Variants in NARS2 observed in about 807,000 individuals in gnomAD.
NARS2 encodes the protein asparaginyl-tRNA synthetase.
Under a neutral mutation model 62.9 loss-of-function variants are expected in NARS2, and 60 were observed. The observed-to-expected ratio is 0.95, with a 90% confidence interval of 0.77 to 1.18. NARS2 has a LOEUF of 1.18. Among genes scored for constraint, NARS2 ranks in the 50% most tolerant of loss-of-function variants. The probability of loss-of-function intolerance (pLI) is 0.00; values close to 1 mark genes in which losing one functional copy is unlikely to be tolerated. For synonymous variants in NARS2, 196 were observed against 200.0 expected (o/e 0.98, Z 0.17); for missense variants, 619 against 576.4 (o/e 1.07, Z -0.76).
chr11:78,569,479 A>G (rs1437902691), intron 2 of NARS2, among the ~76,000 whole-genome samples: 1 of 152,234 alleles, frequency 6.6e-6, no homozygotes, highest in Non-Finnish European at 1.5e-5. Flanking sequence ...CTAACATTTC[A>G]TAATTACAGT....
chr11:78,538,792 G>A (rs558628484), intron 5 of NARS2, among the ~76,000 whole-genome samples: 261 of 151,458 alleles, frequency 1.7e-3, no homozygotes, highest in Admixed American at 4.2e-3. Flanking sequence ...TCAGGAGATC[G>A]AGACCATCCT....
At chr11:78,507,808 T>C (rs1483143616) in intron 6 of NARS2, among the ~76,000 whole-genome samples, 2 of 152,118 alleles carry the variant, frequency 1.3e-5, no homozygotes, top group Non-Finnish European at 2.9e-5. Context: ...CGTTAGCCAC[T>C]GGCACCCAGC....
chr11:78,492,106 T>G (rs12225912), intron 7 of NARS2, among the ~76,000 whole-genome samples: 2,031 of 136,988 alleles, frequency 0.015, 24 homozygotes, highest in Middle Eastern at 0.031. Flanking sequence ...TATATATATA[T>G]ATACAGACAC....
At chr11:78,531,810 T>C (rs183855716) in intron 5 of NARS2, among the ~76,000 whole-genome samples, 1 of 152,274 alleles carries the variant, frequency 6.6e-6, no homozygotes, top group Admixed American at 6.5e-5. Context: ...ATTACATTTA[T>C]ATGAAACATA....
chr11:78,499,407 A>G (rs1459198376), intron 6 of NARS2, among the ~76,000 whole-genome samples: 3 of 152,314 alleles, frequency 2.0e-5, no homozygotes, highest in Middle Eastern at 3.4e-3. Context: ...GAGGAATTAC[A>G]CATGCCCACT....
At chr11:78,477,627 T>TA (rs1172243757) in intron 9 of NARS2, among the ~76,000 whole-genome samples, 1 of 152,214 alleles carries the variant, frequency 6.6e-6, no homozygotes, top group Non-Finnish European at 1.5e-5. Flanking sequence ...TGAATGCTTC[T>TA]AAGAAGGTGT....
chr11:78,481,342 C>T (rs1859346954), intron 7 of NARS2, among the ~76,000 whole-genome samples: 1 of 152,098 alleles, frequency 6.6e-6, no homozygotes, highest in Non-Finnish European at 1.5e-5. Flanking sequence ...ACCTTCAATT[C>T]AGCAGTGAGA....
chr11:78,443,622 C>T (rs373283076), intron 12 of NARS2, 39 bp downstream of exon 12: 1 of 1,493,232 alleles, frequency 6.7e-7, no homozygotes, highest in African/African-American at 1.4e-5. Context: ...GCCTTATGCT[C>T]AATTTCTCAA....
chr11:78,445,804 T>A (rs1265849996), intron 11 of NARS2, among the ~76,000 whole-genome samples: 1 of 151,948 alleles, frequency 6.6e-6, no homozygotes, highest in Non-Finnish European at 1.5e-5. Flanking sequence ...TTTTAAAATG[T>A]TTATTTGCAG....
chr11:78,466,322 T>G (rs921503856), intron 10 of NARS2, among the ~76,000 whole-genome samples: 3 of 128,900 alleles, frequency 2.3e-5, no homozygotes, highest in Non-Finnish European at 4.7e-5. Flanking sequence ...CAAAGTCTAC[T>G]TTACAAGGAG....
chr11:78,547,958 G>A (rs965143773), intron 5 of NARS2, among the ~76,000 whole-genome samples: 1 of 152,148 alleles, frequency 6.6e-6, no homozygotes, highest in Non-Finnish European at 1.5e-5. Flanking sequence ...GGTGGTTCAC[G>A]CCTGTAATTC....
chr11:78,453,965 C>A (rs1858061938), intron 11 of NARS2, among the ~76,000 whole-genome samples: 1 of 152,216 alleles, frequency 6.6e-6, no homozygotes, highest in African/African-American at 2.4e-5. Flanking sequence ...GAATGAAATT[C>A]TTACCTTGCT....
At chr11:78,499,075 C>T (rs527989684) in intron 6 of NARS2, among the ~76,000 whole-genome samples, 2 of 151,794 alleles carry the variant, frequency 1.3e-5, no homozygotes, top group Non-Finnish European at 2.9e-5. Flanking sequence ...CGCCACCACG[C>T]CCGGCTAATT....
chr11:78,438,713 C>T (rs565915132), intron 13 of NARS2, among the ~76,000 whole-genome samples: 12 of 152,174 alleles, frequency 7.9e-5, no homozygotes, highest in Admixed American at 5.9e-4. Flanking sequence ...AGAGATGCTA[C>T]GAAATTTGTG....
intron 6 of NARS2, among the ~76,000 whole-genome samples, chr11:78,521,506 C>T (rs1219469062): frequency 5.3e-5 from 8 of 151,804 alleles, no homozygotes; most frequent in East Asian, 1.9e-4. Flanking sequence ...AAGAAAAGCC[C>T]GGGGCCGGGC....
chr11:78,559,776 G>A (rs1197219796), intron 4 of NARS2, among the ~76,000 whole-genome samples, 157 bp from the exon 5 acceptor site: 2 of 152,186 alleles, frequency 1.3e-5, no homozygotes. Context: ...TCAGTTGAGT[G>A]TTTTAACTAC....
rs59917269 is a variant in NARS2 at position 78,538,994 on chromosome 11, C to CAAAAAA, written c.595-10064_595-10059dup. 1.2e-3 allele frequency among the ~76,000 whole-genome samples: 62 copies of CAAAAAA among 49,794 alleles called. 4 individuals carry two copies. Among genetic ancestry groups the CAAAAAA allele is most frequent in the East Asian group, 5.9e-3 (4 of 680 alleles). 32.7% of individuals were successfully genotyped at this position (49,794 alleles called of 152,430 possible). ...TGGGCGACAGAGCGAGAATCCGTCT[C>CAAAAAA]AAAAAAAAAAAAAAAAAAAAAAAAA... On this transcript the variant is annotated intron_variant, in intron 5 of 13. Transcript: ENST00000281038.
At chr11:78,534,207 T>G (rs1861583741) in intron 5 of NARS2, among the ~76,000 whole-genome samples, 1 of 152,216 alleles carries the variant, frequency 6.6e-6, no homozygotes, top group Non-Finnish European at 1.5e-5. Context: ...GGTTGGAGTA[T>G]ATCTAGTTTT....
intron 7 of NARS2, among the ~76,000 whole-genome samples, chr11:78,490,596 GGC>G (rs1859777718): frequency 1.3e-5 from 2 of 152,002 alleles, no homozygotes; most frequent in African/African-American, 4.8e-5. Context: ...GCAGGCGGAT[GGC>G]TTGAGCTCAG....
Sources: gnomAD v4.1 joint callset for allele counts (sites outside exome capture counted in the v4.1 genomes callset) on GRCh38, gnomAD v4.1.1 for gene constraint, MANE v1.5 for transcripts, NCBI Gene and HGNC (gene_info 2026-07-23, HGNC 2026-07-21) for gene names.